Variants in LDB2 observed in about 807,000 individuals in gnomAD.
LDB2 encodes the protein LIM domain-binding protein 2.
In LDB2, 12 loss-of-function variants were observed where a neutral mutation model predicts 44.3. The ratio of observed to expected loss-of-function variants is 0.27; its 90% CI spans 0.17 to 0.44. LDB2 has a LOEUF of 0.44. Ranked by LOEUF, LDB2 falls within the 20% of genes least tolerant of loss-of-function variation. The pLI, the probability that LDB2 is intolerant of heterozygous loss-of-function variation, is 1.00. For synonymous variants in LDB2, 164 were observed against 174.8 expected (o/e 0.94, Z 0.49); for missense variants, 344 against 473.5 (o/e 0.73, Z 2.54).
intron 2 of LDB2, among the ~76,000 whole-genome samples, chr4:16,730,368 C>T (rs1760482356): frequency 6.6e-6 from 1 of 152,162 alleles, no homozygotes; most frequent in African/African-American, 2.4e-5. Flanking sequence ...CCTGTCTCAC[C>T]TGTACACTCT....
At chr4:16,503,071 C>T (rs1717947882) in intron 7 of LDB2, 198 bp from the exon 8 acceptor site, 2 of 1,538,364 alleles carry the variant, frequency 1.3e-6, no homozygotes, top group Admixed American at 2.0e-5. Flanking sequence ...TGTGTAACAA[C>T]CACGCGAGTT....
intron 5 of LDB2, among the ~76,000 whole-genome samples, chr4:16,542,101 T>TGGC (rs1553889139): frequency 2.4e-5 from 2 of 83,652 alleles, no homozygotes; most frequent in African/African-American, 1.0e-4. Context: ...CATCAGGTGG[T>TGGC]GGGGGGGGGG....
chr4:16,547,919 A>G (rs952631639), intron 5 of LDB2, among the ~76,000 whole-genome samples: 1 of 151,984 alleles, frequency 6.6e-6, no homozygotes, highest in African/African-American at 2.4e-5. Flanking sequence ...AAAATTTACA[A>G]ACATTCATTT....
chr4:16,892,115 T>C (rs1005171536), intron 1 of LDB2, among the ~76,000 whole-genome samples: 2 of 152,218 alleles, frequency 1.3e-5, no homozygotes. Context: ...CCATATATGC[T>C]ATTCTATGAC....
intron 2 of LDB2, among the ~76,000 whole-genome samples, chr4:16,640,841 G>A (rs4698502): frequency 0.077 from 11,744 of 152,166 alleles, 643 homozygotes; most frequent in East Asian, 0.26. Context: ...TGATATCTTA[G>A]ATCTAAGATT....
chr4:16,635,457 T>C (rs1305439221), intron 2 of LDB2, among the ~76,000 whole-genome samples: 1 of 112,704 alleles, frequency 8.9e-6, no homozygotes, highest in Non-Finnish European at 1.9e-5. Context: ...CCTTGTATTA[T>C]CATCAGTTAA....
intron 2 of LDB2, among the ~76,000 whole-genome samples, chr4:16,734,496 G>T (rs1277377993): frequency 1.3e-5 from 2 of 152,064 alleles, no homozygotes; most frequent in Non-Finnish European, 2.9e-5. Context: ...AACAAAAAAA[G>T]GTTCTCCAAC....
chr4:16,843,778 C>T (rs578054535), intron 1 of LDB2, among the ~76,000 whole-genome samples: 6 of 152,106 alleles, frequency 3.9e-5, no homozygotes, highest in Admixed American at 6.5e-5. Flanking sequence ...TGTGCCACCA[C>T]GCCCAGCTAA....
intron 5 of LDB2, among the ~76,000 whole-genome samples, chr4:16,536,928 G>A (rs1287238859): frequency 6.6e-6 from 1 of 152,248 alleles, no homozygotes; most frequent in Non-Finnish European, 1.5e-5. Flanking sequence ...GAAACAGGAT[G>A]ATGTAAATGA....
intron 1 of LDB2, among the ~76,000 whole-genome samples, chr4:16,796,310 A>G (rs528527269): frequency 6.6e-6 from 1 of 152,312 alleles, no homozygotes; most frequent in East Asian, 1.9e-4. Context: ...AAAACATTAA[A>G]TGGCATTAGT....
At chr4:16,765,788 C>T (rs62296592) in intron 1 of LDB2, among the ~76,000 whole-genome samples, 4,538 of 152,312 alleles carry the variant, frequency 0.03, 99 homozygotes, top group Middle Eastern at 0.061. Context: ...GTTATCTCAT[C>T]TCACAATAAT....
intron 2 of LDB2, among the ~76,000 whole-genome samples, chr4:16,677,322 A>C (rs965142960): frequency 6.6e-6 from 1 of 152,260 alleles, no homozygotes; most frequent in Admixed American, 6.5e-5. Context: ...ACAAATAAGC[A>C]TATGTGCATA....
At chr4:16,780,291 C>G (rs532050345) in intron 1 of LDB2, among the ~76,000 whole-genome samples, 1 of 152,090 alleles carries the variant, frequency 6.6e-6, no homozygotes, top group African/African-American at 2.4e-5. Context: ...GGTGTGATCT[C>G]AGCTCACTGC....
At chr4:16,652,761 G>A (rs958823150) in intron 2 of LDB2, among the ~76,000 whole-genome samples, 2 of 152,182 alleles carry the variant, frequency 1.3e-5, no homozygotes, top group Non-Finnish European at 2.9e-5. Flanking sequence ...TTAAGGGAAT[G>A]TGGCTACTTC....
intron 2 of LDB2, among the ~76,000 whole-genome samples, chr4:16,748,021 A>G (rs1329133506): frequency 2.6e-5 from 4 of 152,038 alleles, no homozygotes; most frequent in East Asian, 4.0e-4. Context: ...TTTTTTAAGG[A>G]AAGTTTGTAA....
intron 2 of LDB2, among the ~76,000 whole-genome samples, chr4:16,645,543 C>CAAAAA (rs34869059): frequency 3.5e-4 from 30 of 85,478 alleles, no homozygotes; most frequent in African/African-American, 1.1e-3. Context: ...GACTCCGTCT[C>CAAAAA]AAAAAAAAAA....
rs1734481301 is a variant in LDB2, at chr4:16,639,225, T to TTTC, written c.236-43351_236-43350insGAA. On this transcript the variant is annotated intron_variant, in intron 2 of 7. Transcript: ENST00000304523. ...TCTGATGTTGTCTGGGAGAAAACAA[T>TTTC]GGTTGCCCAATTTCTGTTGCCATGT... Among the ~76,000 whole-genome samples, 8 of 152,322 alleles carry TTTC rather than the reference T, an allele frequency of 5.3e-5. No homozygotes were observed. In the South Asian group the frequency reaches 1.7e-3, roughly 32 times the overall value.
chr4:16,778,793 G>A (rs1409167132), intron 1 of LDB2, among the ~76,000 whole-genome samples: 1 of 152,174 alleles, frequency 6.6e-6, no homozygotes, highest in Non-Finnish European at 1.5e-5. Flanking sequence ...ATTGGGAACT[G>A]AGGCTAGAAA....
intron 2 of LDB2, among the ~76,000 whole-genome samples, chr4:16,728,942 C>G (rs1760127650): frequency 6.6e-6 from 1 of 152,280 alleles, no homozygotes; most frequent in Admixed American, 6.5e-5. Context: ...AGTGCTAAAC[C>G]CTGTCAAGAA....
Sources: gnomAD v4.1 joint callset for allele counts (sites outside exome capture counted in the v4.1 genomes callset) on GRCh38, gnomAD v4.1.1 for gene constraint, MANE v1.5 for transcripts, NCBI Gene and HGNC (gene_info 2026-07-23, HGNC 2026-07-21) for gene names.